TMEM143: variants seen among roughly 807,000 people sequenced by gnomAD.
TMEM143 encodes transmembrane protein 143.
TMEM143 carries 45 observed loss-of-function variants against 40.3 expected under a neutral mutation model. That is an observed-to-expected ratio of 1.12 (90% confidence interval 0.88 to 1.43). TMEM143 has a LOEUF of 1.43. TMEM143 is among the 40% of genes most tolerant of loss of function. The probability of loss-of-function intolerance (pLI) is 0.00; values close to 1 mark genes in which losing one functional copy is unlikely to be tolerated. For synonymous variants in TMEM143, 299 were observed against 282.7 expected, an observed-to-expected ratio of 1.06 and a Z score of -0.58; for missense variants, 620 against 613.4, an observed-to-expected ratio of 1.01 and a Z score of -0.11.
chr19:48,344,435 C>T (rs1379908649), intron 4 of TMEM143, among the ~76,000 whole-genome samples: 5 of 151,750 alleles, frequency 3.3e-5, no homozygotes, highest in Admixed American at 6.6e-5. Flanking sequence ...ACTGCAGGCC[C>T]GCACCACCAT....
intron 6 of TMEM143, among the ~76,000 whole-genome samples, chr19:48,335,501 A>G (rs7259095): frequency 0.51 from 78,023 of 152,064 alleles, 20,376 homozygotes; most frequent in Middle Eastern, 0.62. Context: ...AAGGCAGGTG[A>G]ATCACCTGAG....
chr19:48,333,238 G>C lies in TMEM143; in HGVS notation c.1361C>G (p.Pro454Arg), dbSNP rs1184376327. Residue 454 changes from proline (P) to arginine (R), a missense_variant, in exon 8 of 8, where the codon CCC becomes CGC. Coordinates refer to ENST00000293261, the MANE Select transcript of TMEM143 (RefSeq NM_018273.4). This position sits in a 1 kb window ranked among gnomAD's most constrained non-coding sequence, Gnocchi z 4.1. ...PITSEPPQAT[P>R]SSNIS ...TTCTACTCAGGAGATGTTACTGCTG[G>C]GCGTGGCTTGCGGGGGCTCGGAAGT... 4.0e-6 allele frequency: 6 copies of C among 1,489,996 alleles called. No homozygotes were observed. In the African/African-American group the frequency reaches 8.3e-5, roughly 21 times the overall value. The allele number at this position is 1,489,996 out of a possible 1,614,324, so 92.3% of individuals were successfully genotyped here. A position where few individuals can be genotyped will look rare whatever the true frequency, so the allele number is the denominator to read the frequency against.
chr19:48,359,600 G>A (rs1250297516), intron 3 of TMEM143, among the ~76,000 whole-genome samples: 1 of 144,770 alleles, frequency 6.9e-6, no homozygotes, highest in Non-Finnish European at 1.5e-5. Flanking sequence ...TCCGCCTCCC[G>A]GGTTCATGCC....
rs1165680800 is a variant in TMEM143 at position 48,333,318 on chromosome 19, G to GC, written c.1280dup (p.Ser427ArgfsTer31). ...AACCCGGGGGTGGGTACAATCCCAT[G>GC]CTGGGGGTCAGGGCCTGCAGATGCG... On this transcript the variant is annotated frameshift_variant, in exon 8 of 8. Coordinates refer to ENST00000293261, the MANE Select transcript of TMEM143 (RefSeq NM_018273.4). LOFTEE classifies it low-confidence loss of function (END_TRUNC). The surrounding 1 kb of genome is among the most constrained non-coding windows in gnomAD (Gnocchi z 4.1). 6.2e-7 allele frequency: 1 copy of GC among 1,607,724 alleles called. No individual in the cohort carries two copies. The highest frequency in any genetic ancestry group is 2.2e-5 in the East Asian group (1 of 44,742).
chr19:48,356,234 C>T (rs1383770558), intron 3 of TMEM143, among the ~76,000 whole-genome samples: 1 of 149,708 alleles, frequency 6.7e-6, no homozygotes, highest in Non-Finnish European at 1.5e-5. Context: ...TCTCCTTCCT[C>T]AGCCTCCTGA....
chr19:48,350,854 G>A (rs1192662348), intron 3 of TMEM143, among the ~76,000 whole-genome samples: 9 of 150,642 alleles, frequency 6.0e-5, no homozygotes, highest in Admixed American at 6.6e-5. Context: ...CTCAGGAGGC[G>A]GAGGTTGCAG....
At chr19:48,356,476 T>A (rs1969900227) in intron 3 of TMEM143, among the ~76,000 whole-genome samples, 1 of 139,564 alleles carries the variant, frequency 7.2e-6, no homozygotes, top group Non-Finnish European at 1.5e-5. Flanking sequence ...TCACCCAGGC[T>A]GGATAGTGCA....
intron 6 of TMEM143, among the ~76,000 whole-genome samples, chr19:48,341,846 G>A (rs1969494049): frequency 6.6e-6 from 1 of 152,012 alleles, no homozygotes; most frequent in Admixed American, 6.6e-5. Context: ...GTGAGCGGCT[G>A]TCAACCCTTA....
At position 48,334,148 on chromosome 19, in the gene TMEM143, A is replaced by T; in HGVS notation, c.1025T>A (p.Leu342Gln). ...GTTGTTGGACGTACTGCGATAGTAC[A>T]GCATGTGCGCCAGCTCCAACGCCTG... ...SAQALELAHMLYYRSTSNNSE... is the reference protein window; with the variant it reads ...SAQALELAHMQYYRSTSNNSE... The change falls in exon 7 of 8, where the codon CTG becomes CAG. Residue 342 changes from leucine to glutamine, a missense_variant. Transcript: ENST00000293261. The T allele has an allele frequency of 6.2e-7, 1 of 1,608,678 alleles. No individual in the cohort carries two copies. Among genetic ancestry groups the T allele is most frequent in the Non-Finnish European group, 8.5e-7 (1 of 1,178,024 alleles).
Position 48,334,207 on chromosome 19 carries a change from G to A in TMEM143, c.976-10C>T, listed in dbSNP as rs769782130. ...GCCGCTGCCCGAACATCTGCAGGCG[G>A]GACAGCGCCCCGTGGGCTCAGTTCG... On this transcript the variant is annotated splice_polypyrimidine_tract_variant and intron_variant, in intron 6 of 7. Transcript: ENST00000293261. 13 of 1,587,446 alleles carry A rather than the reference G, an allele frequency of 8.2e-6. No individual in the cohort carries two copies. The highest frequency in any genetic ancestry group is 5.6e-5 in the South Asian group (5 of 88,612).
intron 3 of TMEM143, among the ~76,000 whole-genome samples, chr19:48,353,275 G>GTGCAAGCGATTCTCC (rs1282083636): frequency 6.6e-6 from 1 of 151,580 alleles, no homozygotes; most frequent in East Asian, 1.9e-4. Context: ...TGCCTCCTGG[G>GTGCAAGCGATTCTCC]TGCAAGCGAT....
chr19:48,363,015 T>C (rs1970086169), intron 2 of TMEM143, among the ~76,000 whole-genome samples: 2 of 152,228 alleles, frequency 1.3e-5, no homozygotes, highest in Non-Finnish European at 2.9e-5. Flanking sequence ...ATGATTACTA[T>C]ACCCATCTTA....
chr19:48,345,487 T>G, intron 3 of TMEM143, 133 bp from the exon 4 acceptor site: 6 of 456,136 alleles, frequency 1.3e-5, no homozygotes, highest in Non-Finnish European at 1.9e-5. Flanking sequence ...TGAGATAGAG[T>G]CTCGCTCTGT....
At position 48,334,191 on chromosome 19, in the gene TMEM143, C is replaced by G. The variant is rs768293498; in HGVS notation, c.982G>C (p.Gly328Arg). 2 of 1,600,778 alleles carry G rather than the reference C, an allele frequency of 1.2e-6. No homozygotes were observed. The highest frequency in any genetic ancestry group is 1.1e-5 in the South Asian group (1 of 89,536). Residue 328 changes from glycine (G) to arginine (R), a missense_variant, in exon 7 of 8, where the codon GGG becomes CGG. Gly to Arg is a moderately radical substitution (Grantham distance 125, BLOSUM62 -2). Coordinates refer to ENST00000293261, the MANE Select transcript of TMEM143 (RefSeq NM_018273.4). ...FMGLRASKMF[G>R]QRRSAQALEL... ...AACGCCTGCGCGCTGCGCCGCTGCC[C>G]GAACATCTGCAGGCGGGACAGCGCC...
At position 48,332,609 on chromosome 19, in the gene TMEM143, T is replaced by G. The variant is rs2147348995; in HGVS notation, c.*610A>C. 6.6e-6 allele frequency: 1 copy of G among 152,342 alleles called. No individual in the cohort carries two copies. The highest frequency in any genetic ancestry group is 1.5e-5 in the Non-Finnish European group (1 of 68,024). The allele number at this position is 152,342 out of a possible 1,614,324, so 9.4% of individuals were successfully genotyped here. Reference sequence around the variant, plus strand: ...TCCAACTCCTTCAGCCTAGACACCCTGATCAGCAGCTGACCAGTTGGCCTG... The same window carrying G: ...TCCAACTCCTTCAGCCTAGACACCCGGATCAGCAGCTGACCAGTTGGCCTG... On this transcript the variant is annotated 3_prime_UTR_variant, in exon 8 of 8. Coordinates refer to ENST00000293261, the MANE Select transcript of TMEM143 (RefSeq NM_018273.4).
At chr19:48,363,239 A>G in intron 2 of TMEM143, 52 bp downstream of exon 2, 1 of 1,556,150 alleles carries the variant, frequency 6.4e-7, no homozygotes, top group South Asian at 1.2e-5. Context: ...GCCGCCGCGA[A>G]GCCTGCTGGG....
intron 3 of TMEM143, among the ~76,000 whole-genome samples, chr19:48,348,025 C>CAAAA (rs556686693): frequency 2.1e-4 from 22 of 103,320 alleles, no homozygotes; most frequent in Non-Finnish European, 3.1e-4. Context: ...GACCCTGTCT[C>CAAAA]AAAAAAAAAA....
chr19:48,360,780 A>G (rs1970023589), intron 2 of TMEM143, among the ~76,000 whole-genome samples: 1 of 151,960 alleles, frequency 6.6e-6, no homozygotes, highest in African/African-American at 2.4e-5. Flanking sequence ...CCAGAAGTAG[A>G]TGGAATTATT....
intron 2 of TMEM143, among the ~76,000 whole-genome samples, chr19:48,361,890 C>T (rs527712437): frequency 6.6e-6 from 1 of 152,286 alleles, no homozygotes; most frequent in South Asian, 2.1e-4. Flanking sequence ...TTCTCTGAGC[C>T]TCAGTTTCCT....
Sources: allele counts gnomAD v4.1 joint callset (sites outside exome capture counted in the v4.1 genomes callset), GRCh38; gene constraint gnomAD v4.1.1; non-coding constraint Gnocchi (gnomAD v3.1); transcripts MANE v1.5; gene names NCBI Gene and HGNC (gene_info 2026-07-23, HGNC 2026-07-21).